Variants in EXOC6B observed in about 807,000 individuals in gnomAD.
EXOC6B encodes the protein SEC15 homolog B.
EXOC6B carries 54 observed loss-of-function variants against 113.5 expected under a neutral mutation model. That is an observed-to-expected ratio of 0.48 (90% CI 0.38 to 0.60). EXOC6B has a LOEUF of 0.60. Ranked by LOEUF, EXOC6B falls within the 20% of genes least tolerant of loss-of-function variation. The pLI, the probability that EXOC6B is intolerant of heterozygous loss-of-function variation, is 0.00. For missense variants in EXOC6B, 797 were observed against 977.5 expected (o/e 0.82, Z 2.46); for synonymous variants, 357 against 339.0 (o/e 1.05, Z -0.58).
intron 20 of EXOC6B, among the ~76,000 whole-genome samples, chr2:72,276,312 A>G (rs973752570): frequency 6.6e-6 from 1 of 152,132 alleles, no homozygotes; most frequent in African/African-American, 2.4e-5. Context: ...TCTGCATGGA[A>G]GGGACCTGGG....
At chr2:72,555,506 GTGA>G in intron 8 of EXOC6B, among the ~76,000 whole-genome samples, 1 of 152,348 alleles carries the variant, frequency 6.6e-6, no homozygotes, top group South Asian at 2.1e-4. Context: ...CTGATGACCA[GTGA>G]TGATGAGCAT....
At chr2:72,683,320 G>T (rs984895029) in intron 6 of EXOC6B, among the ~76,000 whole-genome samples, 6 of 151,906 alleles carry the variant, frequency 3.9e-5, no homozygotes, top group South Asian at 4.1e-4. Context: ...AAAAGAGAAA[G>T]AATCCAATGT....
chr2:72,547,118 C>G (rs1702953471), intron 8 of EXOC6B, among the ~76,000 whole-genome samples: 1 of 152,212 alleles, frequency 6.6e-6, no homozygotes, highest in Non-Finnish European at 1.5e-5. Flanking sequence ...TCAGAGGCCC[C>G]TTGATTAAGA....
intron 6 of EXOC6B, among the ~76,000 whole-genome samples, chr2:72,668,883 T>G (rs1343166363): frequency 6.6e-6 from 1 of 152,170 alleles, no homozygotes; most frequent in African/African-American, 2.4e-5. Context: ...AATATACGTT[T>G]GTAATAAACC....
rs1210996853 is a variant in EXOC6B, at chr2:72,515,164, G to A, written c.916-38C>T. 6 of 1,520,040 alleles carry A rather than the reference G, an allele frequency of 3.9e-6. No individual in the cohort carries two copies. In the South Asian group the frequency reaches 6.0e-5, roughly 15 times the overall value. The allele number at this position is 1,520,040 out of a possible 1,614,324, so 94.2% of individuals were successfully genotyped here. On this transcript the variant is annotated intron_variant, in intron 8 of 21. Coordinates refer to ENST00000272427, the MANE Select transcript of EXOC6B (RefSeq NM_015189.3). ...AAAAGAAAATGGGTTGACACAATTG[G>A]ACCAATTACTCTTTTATTTCAAGGG... is the stretch of plus-strand genomic sequence containing the variant.
intron 1 of EXOC6B, among the ~76,000 whole-genome samples, chr2:72,761,673 T>G (rs1338811344): frequency 1.3e-5 from 2 of 152,224 alleles, no homozygotes; most frequent in African/African-American, 2.4e-5. Flanking sequence ...TTAGGTGGTT[T>G]GGGCATTTTC....
chr2:72,589,141 T>A (rs1473406051), intron 6 of EXOC6B, among the ~76,000 whole-genome samples: 3 of 151,826 alleles, frequency 2.0e-5, no homozygotes, highest in Non-Finnish European at 4.4e-5. Flanking sequence ...ACTTAAAAAA[T>A]AAAAAAATTT....
chr2:72,602,779 C>T (rs897600691), intron 6 of EXOC6B, among the ~76,000 whole-genome samples: 1 of 152,154 alleles, frequency 6.6e-6, no homozygotes, highest in Non-Finnish European at 1.5e-5. Context: ...TCAAAACGAG[C>T]AGTCTGTTGA....
rs140103967 is a variant in EXOC6B at position 72,690,903 on chromosome 2, G to C, written c.669+27200C>G. ...GATCTTATTTGGAATTAGGGTCTTT[G>C]CAGATGTAATAAAGTTAAATGAGGT... On this transcript the variant is annotated intron_variant, in intron 6 of 21. Transcript: ENST00000272427. 1.3e-3 allele frequency among the ~76,000 whole-genome samples: 199 copies of C among 152,250 alleles called. 1 individual carries two copies. The highest frequency in any genetic ancestry group is 4.3e-3 in the African/African-American group (180 of 41,546).
intron 20 of EXOC6B, among the ~76,000 whole-genome samples, chr2:72,203,244 G>A (rs986673144): frequency 1.6e-4 from 24 of 152,240 alleles, no homozygotes; most frequent in Middle Eastern, 3.4e-3. Flanking sequence ...ACCTTAAGAA[G>A]TCCTTTTCAA....
intron 6 of EXOC6B, among the ~76,000 whole-genome samples, chr2:72,664,416 T>C (rs1277026944): frequency 4.6e-5 from 7 of 151,994 alleles, no homozygotes; most frequent in South Asian, 2.1e-4. Flanking sequence ...GGGAGTGACA[T>C]TGAGGGTGGG....
At chr2:72,655,225 C>G (rs1296741148) in intron 6 of EXOC6B, among the ~76,000 whole-genome samples, 2 of 152,126 alleles carry the variant, frequency 1.3e-5, no homozygotes, top group Non-Finnish European at 2.9e-5. Context: ...TGATTACTTA[C>G]TTCAATAGAT....
chr2:72,666,870 CT>C (rs57397006), intron 6 of EXOC6B, among the ~76,000 whole-genome samples: 4 of 148,402 alleles, frequency 2.7e-5, no homozygotes, highest in Admixed American at 6.7e-5. Context: ...AAAGATTTTT[CT>C]TTTTTTTTCT....
intron 1 of EXOC6B, among the ~76,000 whole-genome samples, chr2:72,773,552 A>G (rs1019086408): frequency 6.6e-6 from 1 of 152,052 alleles, no homozygotes; most frequent in African/African-American, 2.4e-5. Flanking sequence ...ATCTCATTCT[A>G]TACCTTAGGT....
chr2:72,403,612 T>C (rs2105181793), intron 18 of EXOC6B, among the ~76,000 whole-genome samples: 1 of 152,268 alleles, frequency 6.6e-6, no homozygotes, highest in South Asian at 2.1e-4. Flanking sequence ...GAGGATGGCT[T>C]GAGACCAGGA....
chr2:72,606,263 T>C (rs943269233), intron 6 of EXOC6B, among the ~76,000 whole-genome samples: 2 of 152,174 alleles, frequency 1.3e-5, no homozygotes, highest in Non-Finnish European at 2.9e-5. Flanking sequence ...AGCTTATTTA[T>C]ATTCAATGTA....
At chr2:72,715,748 T>C (rs1679572142) in intron 6 of EXOC6B, among the ~76,000 whole-genome samples, 1 of 152,146 alleles carries the variant, frequency 6.6e-6, no homozygotes, top group Non-Finnish European at 1.5e-5. Flanking sequence ...CATTGTATAT[T>C]GGGGGTGGGA....
chr2:72,418,550 T>C (rs1694672778), intron 18 of EXOC6B, among the ~76,000 whole-genome samples: 1 of 152,212 alleles, frequency 6.6e-6, no homozygotes, highest in South Asian at 2.1e-4. Flanking sequence ...ACTGAACATT[T>C]TATTAATATA....
intron 20 of EXOC6B, among the ~76,000 whole-genome samples, chr2:72,257,921 C>T (rs1367056050): frequency 2.0e-5 from 3 of 152,132 alleles, no homozygotes; most frequent in Non-Finnish European, 4.4e-5. Flanking sequence ...AGAAATATCT[C>T]AGTCAAGTGC....
Sources: gnomAD v4.1 joint callset for allele counts (sites outside exome capture counted in the v4.1 genomes callset) on GRCh38, gnomAD v4.1.1 for gene constraint, MANE v1.5 for transcripts, NCBI Gene and HGNC (gene_info 2026-07-23, HGNC 2026-07-21) for gene names.